Variants in CCDC178 observed in about 807,000 individuals in gnomAD.
CCDC178 encodes the protein coiled-coil domain-containing protein 178.
In CCDC178, 126 loss-of-function variants were observed where a neutral mutation model predicts 117.4. That is an observed-to-expected ratio of 1.07 (90% confidence interval 0.93 to 1.24). The LOEUF is 1.24. Ranked by LOEUF, CCDC178 falls within the 50% of genes most tolerant of loss-of-function variation. The probability of loss-of-function intolerance (pLI) is 0.00; values close to 1 mark genes in which losing one functional copy is unlikely to be tolerated. For missense variants in CCDC178, 1,030 were observed against 986.9 expected (o/e 1.04, Z -0.59); for synonymous variants, 283 against 313.4 (o/e 0.90, Z 1.02).
chr18:32,974,566 T>G lies in CCDC178; in HGVS notation c.2504A>C (p.Gln835Pro). ...NFQTDSQESI[Q>P]KILAVQEESS... ...ACCTACCTGCACAGCTAATATTTTC[T>G]GAATACTCTCCTGAGAGTCTGTCTG... The change falls in exon 22 of 23, where the codon CAG becomes CCG. Residue 835 changes from glutamine (Q) to proline (P), a missense_variant. By Grantham distance (76) the Gln-to-Pro change is moderately conservative (BLOSUM62 -1). Transcript: ENST00000383096. The G allele has an allele frequency of 6.2e-7, 1 of 1,613,620 alleles. No individual in the cohort carries two copies. Among genetic ancestry groups the G allele is most frequent in the Non-Finnish European group, 8.5e-7 (1 of 1,179,742 alleles).
At chr18:33,094,668 C>T (rs1295416623) in intron 20 of CCDC178, among the ~76,000 whole-genome samples, 2 of 151,876 alleles carry the variant, frequency 1.3e-5, no homozygotes, top group Admixed American at 6.6e-5. Flanking sequence ...ATAATATATA[C>T]TTTGCTCAAT....
chr18:33,149,199 C>T (rs1337863665), intron 20 of CCDC178, among the ~76,000 whole-genome samples: 1 of 152,174 alleles, frequency 6.6e-6, no homozygotes, highest in Non-Finnish European at 1.5e-5. Flanking sequence ...AAAATCCACA[C>T]ACTGTGGAAT....
intron 21 of CCDC178, among the ~76,000 whole-genome samples, chr18:33,090,276 A>G (rs544518864): frequency 1.7e-4 from 26 of 152,336 alleles, no homozygotes; most frequent in African/African-American, 5.8e-4. Context: ...AGAGAGAATA[A>G]TAGTCCCTAA....
chr18:33,074,827 G>A (rs999670449), intron 21 of CCDC178, among the ~76,000 whole-genome samples: 1 of 152,186 alleles, frequency 6.6e-6, no homozygotes, highest in African/African-American at 2.4e-5. Flanking sequence ...AACTGCAAAT[G>A]TAGACAACTC....
At chr18:33,250,481 CATT>C (rs1441361835) in intron 14 of CCDC178, among the ~76,000 whole-genome samples, 1 of 151,418 alleles carries the variant, frequency 6.6e-6, no homozygotes, top group East Asian at 1.9e-4. Context: ...TGAAAATAAA[CATT>C]AGTGCAGCAA....
chr18:33,090,648 C>T (rs2057449172), intron 21 of CCDC178, among the ~76,000 whole-genome samples: 2 of 152,190 alleles, frequency 1.3e-5, no homozygotes, highest in South Asian at 4.1e-4. Context: ...AATAAGGCCT[C>T]TCTGTCCATT....
chr18:33,293,721 A>G (rs7243667), intron 11 of CCDC178, among the ~76,000 whole-genome samples: 10,947 of 152,154 alleles, frequency 0.072, 614 homozygotes, highest in African/African-American at 0.15. Context: ...GCTTTAACAC[A>G]CCGATGAATC....
At chr18:33,241,418 G>A (rs1473640357) in intron 15 of CCDC178, among the ~76,000 whole-genome samples, 1 of 124,124 alleles carries the variant, frequency 8.1e-6, no homozygotes, top group Admixed American at 9.2e-5. Context: ...CCTCTTTGCA[G>A]ATTATATGAT....
intron 1 of CCDC178, 71 bp from the exon 2 acceptor site, chr18:33,440,152 G>A (rs2145001361): frequency 6.6e-6 from 1 of 152,232 alleles, no homozygotes; most frequent in East Asian, 1.9e-4. Context: ...CCACCACAAG[G>A]CGGCCTTATA....
At chr18:33,161,267 AT>A (rs1193818228) in intron 20 of CCDC178, among the ~76,000 whole-genome samples, 1 of 152,158 alleles carries the variant, frequency 6.6e-6, no homozygotes, top group African/African-American at 2.4e-5. Context: ...TTTTAAAAGT[AT>A]GCAAAGCATT....
At chr18:33,365,324 A>G (rs527936773) in intron 6 of CCDC178, among the ~76,000 whole-genome samples, 3 of 152,118 alleles carry the variant, frequency 2.0e-5, no homozygotes, top group Non-Finnish European at 4.4e-5. Flanking sequence ...ACTTTTTAAC[A>G]TTCATGTCTT....
intron 20 of CCDC178, among the ~76,000 whole-genome samples, chr18:33,188,135 A>C (rs952530059): frequency 3.9e-5 from 6 of 152,048 alleles, no homozygotes; most frequent in African/African-American, 1.4e-4. Context: ...GCACTAAGCC[A>C]GCAAAGACAA....
At chr18:33,387,113 A>G (rs754134901) in intron 5 of CCDC178, among the ~76,000 whole-genome samples, 20 of 152,098 alleles carry the variant, frequency 1.3e-4, no homozygotes, top group Non-Finnish European at 2.1e-4. Flanking sequence ...ACTCCCATTT[A>G]CAATTGCCAC....
At chr18:33,230,545 C>T (rs1179998119) in intron 15 of CCDC178, among the ~76,000 whole-genome samples, 1 of 152,106 alleles carries the variant, frequency 6.6e-6, no homozygotes, top group Non-Finnish European at 1.5e-5. Flanking sequence ...AACAAACAAG[C>T]TTGCTTTTGA....
At chr18:33,042,080 A>G (rs1026999561) in intron 21 of CCDC178, among the ~76,000 whole-genome samples, 8 of 151,940 alleles carry the variant, frequency 5.3e-5, no homozygotes, top group African/African-American at 1.9e-4. Flanking sequence ...TGGAGCATCA[A>G]TGAATGTCAA....
At chr18:32,943,042 C>T (rs1034990323) in intron 22 of CCDC178, among the ~76,000 whole-genome samples, 3 of 152,174 alleles carry the variant, frequency 2.0e-5, no homozygotes, top group Non-Finnish European at 2.9e-5. Flanking sequence ...ACCAAAGCAG[C>T]TAGCTGCAGG....
chr18:33,130,234 G>A (rs756980739), intron 20 of CCDC178, among the ~76,000 whole-genome samples: 6 of 151,902 alleles, frequency 3.9e-5, no homozygotes, highest in Non-Finnish European at 5.9e-5. Flanking sequence ...TAAAATATCT[G>A]TAAAAAATAG....
At chr18:33,016,501 G>A (rs1296139307) in intron 21 of CCDC178, among the ~76,000 whole-genome samples, 1 of 151,878 alleles carries the variant, frequency 6.6e-6, no homozygotes, top group Non-Finnish European at 1.5e-5. Flanking sequence ...ATGTATTTTT[G>A]TTGGTAACTC....
chr18:33,274,165 G>A (rs539887409), intron 12 of CCDC178, among the ~76,000 whole-genome samples: 2 of 151,794 alleles, frequency 1.3e-5, no homozygotes, highest in South Asian at 4.1e-4. Flanking sequence ...CTATGGAAAT[G>A]CAAATCAAAA....
Sources: gnomAD v4.1 joint callset for allele counts (sites outside exome capture counted in the v4.1 genomes callset) on GRCh38, gnomAD v4.1.1 for gene constraint, MANE v1.5 for transcripts, NCBI Gene and HGNC (gene_info 2026-07-23, HGNC 2026-07-21) for gene names.